Variants in MAML3 observed in about 807,000 individuals in gnomAD.
MAML3 encodes the protein mastermind-like protein 3.
MAML3 carries 27 observed loss-of-function variants against 101.9 expected under a neutral mutation model. That is an observed-to-expected ratio of 0.27 (90% CI 0.20 to 0.37). The LOEUF is 0.37. Among genes scored for constraint, MAML3 ranks in the 10% least tolerant of loss-of-function variants. The probability of loss-of-function intolerance (pLI) is 1.00; values close to 1 mark genes in which losing one functional copy is unlikely to be tolerated. For missense variants in MAML3, 1,316 were observed against 1,444.9 expected, an observed-to-expected ratio of 0.91 and a Z score of 1.45; for synonymous variants, 501 against 555.9, an observed-to-expected ratio of 0.90 and a Z score of 1.39.
intron 2 of MAML3, among the ~76,000 whole-genome samples, chr4:139,870,001 G>A (rs1705648306): frequency 1.3e-5 from 2 of 152,214 alleles, no homozygotes; most frequent in Non-Finnish European, 2.9e-5. Context: ...TTGACCATAT[G>A]ACCTTAAACA....
At chr4:139,830,186 G>A (rs528396918) in intron 2 of MAML3, among the ~76,000 whole-genome samples, 1 of 152,204 alleles carries the variant, frequency 6.6e-6, no homozygotes, top group Admixed American at 6.5e-5. Flanking sequence ...AGGACTCCAC[G>A]GCCATCTCAT....
At chr4:139,959,527 AAAAC>A (rs879276473) in intron 1 of MAML3, among the ~76,000 whole-genome samples, 7 of 152,360 alleles carry the variant, frequency 4.6e-5, no homozygotes, top group South Asian at 4.1e-4. Flanking sequence ...ATGGAATTAA[AAAAC>A]AAACAAACAA....
In MAML3 at chr4:140,094,104, G is replaced by C. The variant is rs1040089957; in HGVS notation, c.468+58756C>G. ...AATGAGCTCTGCCAGGCCTGATGAC[G>C]TAACAGGTCCCTTCAGTTCTATTTG... is the stretch of plus-strand genomic sequence containing the variant. On this transcript the variant is annotated intron_variant, in intron 1 of 4. Transcript: ENST00000509479. Among the ~76,000 whole-genome samples, 3 of 152,156 alleles carry C rather than the reference G, an allele frequency of 2.0e-5. No individual in the cohort carries two copies. In the South Asian group the frequency reaches 6.2e-4, roughly 32 times the overall value.
At chr4:140,137,527 A>C (rs1163879306) in intron 1 of MAML3, among the ~76,000 whole-genome samples, 1 of 152,222 alleles carries the variant, frequency 6.6e-6, no homozygotes, top group Non-Finnish European at 1.5e-5. Context: ...CTCGCTCCTC[A>C]AATTTATTGC....
intron 1 of MAML3, among the ~76,000 whole-genome samples, chr4:140,137,493 TGTAA>T (rs1728914054): frequency 6.6e-6 from 1 of 152,240 alleles, no homozygotes; most frequent in African/African-American, 2.4e-5. Flanking sequence ...GTCTCATTCC[TGTAA>T]GTCTGTCAAA....
intron 1 of MAML3, chr4:140,134,107 A>C (rs981161573): frequency 8.8e-6 from 4 of 456,608 alleles, no homozygotes; most frequent in Admixed American, 7.0e-5. Flanking sequence ...CTGGCTCCAC[A>C]GTGCTCAGGG....
intron 1 of MAML3, among the ~76,000 whole-genome samples, chr4:139,990,229 T>G (rs1402030881): frequency 6.6e-6 from 1 of 152,202 alleles, no homozygotes; most frequent in Non-Finnish European, 1.5e-5. Context: ...ATTCCTGGGA[T>G]GCAAGGCTGG....
intron 1 of MAML3, among the ~76,000 whole-genome samples, chr4:139,951,280 C>T (rs1046272466): frequency 6.6e-6 from 1 of 152,204 alleles, no homozygotes; most frequent in African/African-American, 2.4e-5. Flanking sequence ...AGCCACGCTG[C>T]CTTCAGTGTT....
intron 1 of MAML3, among the ~76,000 whole-genome samples, chr4:140,138,714 C>A (rs1471160967): frequency 6.6e-6 from 1 of 152,180 alleles, no homozygotes; most frequent in Non-Finnish European, 1.5e-5. Flanking sequence ...TGGATTAGAA[C>A]TGGGCACAAA....
chr4:139,851,244 C>T (rs959564711), intron 2 of MAML3, among the ~76,000 whole-genome samples: 1 of 152,230 alleles, frequency 6.6e-6, no homozygotes, highest in Non-Finnish European at 1.5e-5. Context: ...GACCATCCAA[C>T]TTCTTAAAGG....
intron 1 of MAML3, among the ~76,000 whole-genome samples, chr4:139,899,297 A>G (rs1263321097): frequency 1.3e-5 from 2 of 152,226 alleles, no homozygotes; most frequent in Non-Finnish European, 2.9e-5. Context: ...AACAGAACTA[A>G]GAAACAGTGC....
At chr4:139,754,157 A>G (rs1377968855) in intron 2 of MAML3, among the ~76,000 whole-genome samples, 2 of 152,282 alleles carry the variant, frequency 1.3e-5, no homozygotes, top group Non-Finnish European at 2.9e-5. Flanking sequence ...GAACAAGTGC[A>G]TAATGCAAAC....
At chr4:139,774,027 C>T (rs1328327259) in intron 2 of MAML3, among the ~76,000 whole-genome samples, 2 of 152,192 alleles carry the variant, frequency 1.3e-5, no homozygotes, top group Non-Finnish European at 2.9e-5. Flanking sequence ...CCATAGCAGG[C>T]CATCCTTTGC....
At chr4:139,736,154 C>G (rs1158758962) in intron 2 of MAML3, among the ~76,000 whole-genome samples, 1 of 152,032 alleles carries the variant, frequency 6.6e-6, no homozygotes, top group Non-Finnish European at 1.5e-5. Context: ...TGAATTGGGT[C>G]AAGTAAAAAA....
intron 2 of MAML3, among the ~76,000 whole-genome samples, chr4:139,802,830 T>C (rs2111104488): frequency 6.6e-6 from 1 of 152,314 alleles, no homozygotes; most frequent in African/African-American, 2.4e-5. Context: ...GAGGATTAAA[T>C]AAGATGTGTA....
At chr4:139,741,100 A>G (rs909310483) in intron 2 of MAML3, among the ~76,000 whole-genome samples, 2 of 151,988 alleles carry the variant, frequency 1.3e-5, no homozygotes, top group African/African-American at 2.4e-5. Flanking sequence ...TCCTATGAGT[A>G]GAAGCCTGCC....
chr4:139,966,757 ACGAG>A (rs1297242621), intron 1 of MAML3, among the ~76,000 whole-genome samples: 1 of 152,204 alleles, frequency 6.6e-6, no homozygotes, highest in Non-Finnish European at 1.5e-5. Flanking sequence ...TTTTACATCA[ACGAG>A]CAGTCTTTGG....
At chr4:139,888,842 C>T (rs1732393579) in intron 2 of MAML3, among the ~76,000 whole-genome samples, 2 of 152,210 alleles carry the variant, frequency 1.3e-5, no homozygotes. Flanking sequence ...CCCTCCACTT[C>T]ACTTTGAAAA....
At chr4:139,985,946 T>C (rs1033286198) in intron 1 of MAML3, among the ~76,000 whole-genome samples, 1 of 152,292 alleles carries the variant, frequency 6.6e-6, no homozygotes, top group Non-Finnish European at 1.5e-5. Context: ...TTGCTGTCTC[T>C]GAGGCCATGC....
Sources: allele counts gnomAD v4.1 joint callset (sites outside exome capture counted in the v4.1 genomes callset), GRCh38; gene constraint gnomAD v4.1.1; transcripts MANE v1.5; gene names NCBI Gene and HGNC (gene_info 2026-07-23, HGNC 2026-07-21).